Variants in OTUD4 observed in about 807,000 individuals in gnomAD.
The protein encoded by OTUD4 is OTU deubiquitinase 4.
Under a neutral mutation model 130.4 loss-of-function variants are expected in OTUD4, and 24 were observed. That is an observed-to-expected ratio of 0.18 (90% confidence interval 0.13 to 0.26). OTUD4 has a LOEUF of 0.26. Ranked by LOEUF, OTUD4 falls within the 10% of genes least tolerant of loss-of-function variation. The probability of loss-of-function intolerance (pLI) is 1.00; values close to 1 mark genes in which losing one functional copy is unlikely to be tolerated. For synonymous variants in OTUD4, 420 were observed against 472.5 expected, an observed-to-expected ratio of 0.89 and a Z score of 1.44; for missense variants, 1,031 against 1,329.4, an observed-to-expected ratio of 0.78 and a Z score of 3.49.
In OTUD4 at chr4:145,141,659, G is replaced by T; in HGVS notation, c.1823-20C>A. 4.7e-6 allele frequency: 7 copies of T among 1,499,860 alleles called. No homozygotes were observed. Among genetic ancestry groups the T allele is most frequent in the South Asian group, 1.4e-5 (1 of 70,878 alleles). 92.9% of individuals were successfully genotyped at this position (1,499,860 alleles called of 1,614,324 possible). A position where few individuals can be genotyped will look rare whatever the true frequency, so the allele number is the denominator to read the frequency against. ...GGACACCTACAAAAGAGAAGAAAAG[G>T]AATCAAAATGACAAAAGATGAAAAT... On this transcript the variant is annotated intron_variant, in intron 18 of 20. Transcript: ENST00000447906.
Position 145,168,025 on chromosome 4 carries a change from A to T in OTUD4, c.295-2828T>A, listed in dbSNP as rs180982646. 2.7e-3 allele frequency among the ~76,000 whole-genome samples: 414 copies of T among 150,596 alleles called. 3 individuals are homozygous for T. The highest frequency in any genetic ancestry group is 0.014 in the Middle Eastern group (4 of 290). ...AAGCAGTGTCAGTATTAAATTATTT[A>T]AAAAAAAAATCGATATTATACTACC... On this transcript the variant is annotated intron_variant, in intron 3 of 20. Transcript: ENST00000447906.
intron 1 of OTUD4, among the ~76,000 whole-genome samples, chr4:145,179,216 G>A (rs1198158753): frequency 2.6e-5 from 4 of 152,170 alleles, no homozygotes; most frequent in African/African-American, 9.7e-5. Flanking sequence ...ACACAGCCCA[G>A]CAGAGCATAA....
At chr4:145,161,404 AT>A (rs1751558457) in intron 6 of OTUD4, among the ~76,000 whole-genome samples, 1 of 152,244 alleles carries the variant, frequency 6.6e-6, no homozygotes, top group Non-Finnish European at 1.5e-5. Flanking sequence ...ATTATTTAAA[AT>A]AGTGTATTGC....
At chr4:145,157,983 T>C (rs1397582812) in intron 7 of OTUD4, among the ~76,000 whole-genome samples, 2 of 152,164 alleles carry the variant, frequency 1.3e-5, no homozygotes, top group Non-Finnish European at 2.9e-5. Context: ...TGTAACAAGC[T>C]AGTCATTCTC....
chr4:145,169,945 T>C (rs1001504235), intron 3 of OTUD4, among the ~76,000 whole-genome samples: 3 of 152,092 alleles, frequency 2.0e-5, no homozygotes, highest in Non-Finnish European at 2.9e-5. Context: ...TTAATTCAAG[T>C]AGGAAGATGA....
At chr4:145,163,567 T>G (rs1049462665) in intron 5 of OTUD4, among the ~76,000 whole-genome samples, 2 of 152,136 alleles carry the variant, frequency 1.3e-5, no homozygotes, top group South Asian at 4.1e-4. Context: ...AAAACTATAA[T>G]AGTCTAGTTC....
chr4:145,164,131 A>G, intron 5 of OTUD4, 23 bp downstream of exon 5: 1 of 1,130,570 alleles, frequency 8.8e-7, no homozygotes, highest in Non-Finnish European at 1.3e-6. Context: ...TAAATACTTT[A>G]GAACACTTTG....
chr4:145,166,450 CA>C (rs1266143224), intron 3 of OTUD4, among the ~76,000 whole-genome samples: 5 of 150,636 alleles, frequency 3.3e-5, no homozygotes, highest in Admixed American at 2.0e-4. Context: ...TTCACATCTA[CA>C]AAAGTGTATG....
Position 145,135,686 on chromosome 4 carries a change from C to T in OTUD4, c.*1744G>A, listed in dbSNP as rs1175717230. The T allele has an allele frequency of 1.3e-5, 2 of 152,632 alleles. No homozygotes were observed. Among genetic ancestry groups the T allele is most frequent in the Admixed American group, 1.3e-4 (2 of 15,280 alleles). 9.5% of individuals were successfully genotyped at this position (152,632 alleles called of 1,614,324 possible). A position where few individuals can be genotyped will look rare whatever the true frequency, so the allele number is the denominator to read the frequency against. ...AAGTTTTCCACACAACCATCCCAGT[C>T]TTTACAATTTTTTACCTAGCACCAT... On this transcript the variant is annotated 3_prime_UTR_variant, in exon 21 of 21. Transcript: ENST00000447906.
At chr4:145,176,658 C>CA (rs1174518579) in intron 1 of OTUD4, among the ~76,000 whole-genome samples, 5 of 151,986 alleles carry the variant, frequency 3.3e-5, no homozygotes, top group African/African-American at 1.2e-4. Context: ...GAGATCGTGC[C>CA]AGGGCACTCC....
intron 1 of OTUD4, among the ~76,000 whole-genome samples, chr4:145,179,031 AAC>A (rs1752561714): frequency 6.6e-6 from 1 of 152,166 alleles, no homozygotes. Flanking sequence ...GCACACCTAC[AAC>A]ACACAGTGTT....
At position 145,137,393 on chromosome 4, in the gene OTUD4, T is replaced by C. The variant is rs748148266; in HGVS notation, c.*37A>G. ...TTAAAGCCTTCAGAAACATTCCACC[T>C]AAGAGTTTCTGTTAGAAAATACTTC... On this transcript the variant is annotated 3_prime_UTR_variant, in exon 21 of 21. Coordinates refer to ENST00000447906, the MANE Select transcript of OTUD4 (RefSeq NM_001366057.1). 1.5e-5 allele frequency: 23 copies of C among 1,526,340 alleles called. No homozygotes were observed. Among genetic ancestry groups the C allele is most frequent in the Non-Finnish European group, 1.9e-5 (21 of 1,120,464 alleles). The allele number at this position is 1,526,340 out of a possible 1,614,324, so 94.5% of individuals were successfully genotyped here.
intron 13 of OTUD4, 87 bp from the exon 14 acceptor site, chr4:145,146,516 C>G: frequency 1.3e-6 from 1 of 779,774 alleles, no homozygotes; most frequent in Admixed American, 3.8e-5. Context: ...AAAAAAAACA[C>G]AAAACTGTAC....
chr4:145,148,500 A>C (rs1387251831), intron 13 of OTUD4, among the ~76,000 whole-genome samples: 1 of 141,654 alleles, frequency 7.1e-6, no homozygotes, highest in Non-Finnish European at 1.6e-5. Context: ...ACTCCGTCTC[A>C]AAAAAAAAAA....
rs1560971241 is a variant in OTUD4 at position 145,133,909 on chromosome 4, T to C, written c.*3521A>G. 6.6e-6 allele frequency: 1 copy of C among 152,666 alleles called. No homozygotes were observed. The highest frequency in any genetic ancestry group is 1.5e-5 in the Non-Finnish European group (1 of 68,044). The allele number at this position is 152,666 out of a possible 1,614,324, so 9.5% of individuals were successfully genotyped here. ...TTTTTTTTACAAGTAACATCACAAA[T>C]GATCACATCTTCACATGCTCTTAAA... On this transcript the variant is annotated 3_prime_UTR_variant, in exon 21 of 21. Coordinates refer to ENST00000447906, the MANE Select transcript of OTUD4 (RefSeq NM_001366057.1).
At chr4:145,175,116 C>A (rs938394734) in intron 1 of OTUD4, among the ~76,000 whole-genome samples, 1 of 152,212 alleles carries the variant, frequency 6.6e-6, no homozygotes, top group Non-Finnish European at 1.5e-5. Flanking sequence ...TCATCCTATA[C>A]ATATTGAAAA....
rs1235741172 is a variant in OTUD4 at position 145,136,102 on chromosome 4, TAA to T, written c.*1326_*1327del. 1 of 152,542 alleles carries T rather than the reference TAA, an allele frequency of 6.6e-6. No homozygotes were observed. The highest frequency in any genetic ancestry group is 2.4e-5 in the African/African-American group (1 of 41,424). The allele number at this position is 152,542 out of a possible 1,614,324, so 9.4% of individuals were successfully genotyped here. ...TGATCAGAAGATAATCTCAACATAA[TAA>T]AAGAGTGGATTTTCACATTGGTATG... On this transcript the variant is annotated 3_prime_UTR_variant, in exon 21 of 21. Coordinates refer to ENST00000447906, the MANE Select transcript of OTUD4 (RefSeq NM_001366057.1).
Position 145,150,713 on chromosome 4 carries a change from C to T in OTUD4, c.1073-14G>A, listed in dbSNP as rs1193778472. Reference sequence around the variant, plus strand: ...TGTAATCCACATCTGTTGTAAGAACCCAAAAGTACATGATAATATTCATAT... The same window carrying T: ...TGTAATCCACATCTGTTGTAAGAACTCAAAAGTACATGATAATATTCATAT... On this transcript the variant is annotated splice_polypyrimidine_tract_variant and intron_variant, in intron 12 of 20. Coordinates refer to ENST00000447906, the MANE Select transcript of OTUD4 (RefSeq NM_001366057.1). 3.1e-6 allele frequency: 5 copies of T among 1,606,024 alleles called. No homozygotes were observed. Among genetic ancestry groups the T allele is most frequent in the Non-Finnish European group, 1.7e-6 (2 of 1,173,610 alleles).
chr4:145,154,059 A>AC (rs1218492055), intron 10 of OTUD4, among the ~76,000 whole-genome samples: 1 of 152,264 alleles, frequency 6.6e-6, no homozygotes, highest in East Asian at 1.9e-4. Flanking sequence ...CACCTACTTT[A>AC]CCAAAAGCAG....
Sources: gnomAD v4.1 joint callset for allele counts (sites outside exome capture counted in the v4.1 genomes callset) on GRCh38, gnomAD v4.1.1 for gene constraint, MANE v1.5 for transcripts, NCBI Gene and HGNC (gene_info 2026-07-23, HGNC 2026-07-21) for gene names.